The following MYO3B variants were observed in gnomAD, a reference collection of about 807,000 sequenced individuals.
MYO3B encodes myosin IIIB.
A neutral mutation model predicts 174.6 loss-of-function variants in MYO3B; 156 were observed. The observed-to-expected ratio is 0.89, with a 90% confidence interval of 0.78 to 1.02. The LOEUF (loss-of-function observed/expected upper bound fraction) is 1.02. MYO3B is among the 50% of genes least tolerant of loss of function. The probability of loss-of-function intolerance (pLI) is 0.00; values close to 1 mark genes in which losing one functional copy is unlikely to be tolerated. For missense variants in MYO3B, 1,632 were observed against 1,639.4 expected (o/e 1.00, Z 0.08); for synonymous variants, 563 against 569.1 (o/e 0.99, Z 0.15).
intron 30 of MYO3B, among the ~76,000 whole-genome samples, chr2:170,528,028 C>A (rs1200383992): frequency 6.6e-6 from 1 of 152,190 alleles, no homozygotes; most frequent in Non-Finnish European, 1.5e-5. Context: ...TTACTTTGTT[C>A]TCTAGAAATG....
intron 9 of MYO3B, among the ~76,000 whole-genome samples, chr2:170,374,780 C>T (rs1025269579): frequency 1.1e-4 from 17 of 151,930 alleles, no homozygotes; most frequent in Middle Eastern, 3.4e-3. Flanking sequence ...CACACACACA[C>T]ACACACACAC....
At position 170,392,401 on chromosome 2, in the gene MYO3B, GA is replaced by G; in HGVS notation, c.1699del (p.Arg567GlyfsTer2). ...TTTAGGTACATAGCTGATGAAACTG[GA>G]AGGGTGATGCACGACATAACTTCCA... Reference protein sequence around the residue: ...KPPRYIADETGRVMHDITSKE... With the variant: ...KPPRYIADETXRVMHDITSKE... On this transcript the variant is annotated frameshift_variant, in exon 16 of 35. Coordinates refer to ENST00000408978, the MANE Select transcript of MYO3B (RefSeq NM_138995.5). LOFTEE classifies it high-confidence loss of function. 6.3e-7 allele frequency: 1 copy of G among 1,599,366 alleles called. No individual in the cohort carries two copies. Among genetic ancestry groups the G allele is most frequent in the South Asian group, 1.1e-5 (1 of 87,880 alleles).
rs913687350 is a variant in MYO3B, at chr2:170,214,344, C to T, written c.322-35C>T. The T allele has an allele frequency of 2.6e-6, 4 of 1,550,896 alleles. No individual in the cohort carries two copies. The African/African-American group carries it at 4.1e-5, about 16-fold the overall frequency. On this transcript the variant is annotated intron_variant, in intron 3 of 34. Coordinates refer to ENST00000408978, the MANE Select transcript of MYO3B (RefSeq NM_138995.5). ...TTCTTTTCTTTTTCACATGTGGTCT[C>T]CTGCTCTCCCTGTGTCTGGCACCTC... is the stretch of plus-strand genomic sequence containing the variant.
At chr2:170,580,220 T>C (rs1278158363) in intron 32 of MYO3B, among the ~76,000 whole-genome samples, 3 of 152,234 alleles carry the variant, frequency 2.0e-5, no homozygotes, top group Non-Finnish European at 2.9e-5. Context: ...TTTTCTGGAC[T>C]TTATTATTTA....
intron 3 of MYO3B, among the ~76,000 whole-genome samples, chr2:170,210,896 A>C (rs1299200049): frequency 6.6e-6 from 1 of 152,196 alleles, no homozygotes. Context: ...CACACAACAC[A>C]TATGTAACTA....
At position 170,410,251 on chromosome 2, in the gene MYO3B, A is replaced by G. The variant is rs563435536; in HGVS notation, c.2650+2407A>G. 5.9e-5 allele frequency among the ~76,000 whole-genome samples: 9 copies of G among 152,270 alleles called. No homozygotes were observed. The East Asian group carries it at 1.7e-3, about 29-fold the overall frequency. On this transcript the variant is annotated intron_variant, in intron 22 of 34. Coordinates refer to ENST00000408978, the MANE Select transcript of MYO3B (RefSeq NM_138995.5). The stretch of plus-strand genomic sequence containing the variant: ...TTTACAAACCTCTTTTGAGGAATGA[A>G]CTACAGGGAGGAAGGAAAAAGATCA...
intron 14 of MYO3B, among the ~76,000 whole-genome samples, chr2:170,390,501 G>A (rs1020389033): frequency 2.0e-5 from 3 of 152,174 alleles, no homozygotes; most frequent in Non-Finnish European, 4.4e-5. Flanking sequence ...TACAGGGCAG[G>A]GATAAAGAAT....
At chr2:170,370,624 TACACACACACACACAC>T (rs55790344) in intron 9 of MYO3B, among the ~76,000 whole-genome samples, 29,426 of 129,528 alleles carry the variant, frequency 0.23, 3,301 homozygotes, top group South Asian at 0.3. Context: ...ACCACCCACC[TACACACACACACACAC>T]ACACACACAC....
rs72625212 is a variant in MYO3B, at chr2:170,541,797, C to T, written c.3576-1109C>T. On this transcript the variant is annotated intron_variant, in intron 30 of 34. Coordinates refer to ENST00000408978, the MANE Select transcript of MYO3B (RefSeq NM_138995.5). Reference sequence around the variant, plus strand: ...CCAGTCCCTGACTTAATGTAGCTTACATTCCATTGTGGGAGACATATGATA... The same window carrying T: ...CCAGTCCCTGACTTAATGTAGCTTATATTCCATTGTGGGAGACATATGATA... 0.024 allele frequency among the ~76,000 whole-genome samples: 3,578 copies of T among 152,236 alleles called. 542 individuals carry two copies. In the East Asian group the frequency reaches 0.44, roughly 19 times the overall value.
At chr2:170,502,240 C>A (rs534502391) in intron 28 of MYO3B, among the ~76,000 whole-genome samples, 2 of 152,300 alleles carry the variant, frequency 1.3e-5, no homozygotes, top group South Asian at 4.1e-4. Flanking sequence ...ATACTGCCAC[C>A]TGAACAAAAC....
chr2:170,235,868 C>T, intron 6 of MYO3B, 123 bp from the exon 7 acceptor site: 1 of 1,139,942 alleles, frequency 8.8e-7, no homozygotes, highest in South Asian at 1.3e-5. Context: ...CATCTTATTA[C>T]TGGAATTCAA....
chr2:170,348,130 G>GA (rs2094031333), intron 8 of MYO3B: 1 of 152,128 alleles, frequency 6.6e-6, no homozygotes, highest in Non-Finnish European at 1.5e-5. Context: ...TTATTTCTGT[G>GA]AAAAAATTAA....
chr2:170,191,885 T>A (rs2092544865), intron 1 of MYO3B, among the ~76,000 whole-genome samples: 1 of 152,196 alleles, frequency 6.6e-6, no homozygotes, highest in Admixed American at 6.5e-5. Flanking sequence ...GGACTATCAG[T>A]GGAAGCTTCT....
chr2:170,465,995 CCA>C (rs989824925), intron 24 of MYO3B, among the ~76,000 whole-genome samples: 3 of 152,082 alleles, frequency 2.0e-5, no homozygotes, highest in African/African-American at 7.2e-5. Flanking sequence ...TTGATAGTCA[CCA>C]CAGTCTTCTT....
intron 19 of MYO3B, 101 bp downstream of exon 19, chr2:170,403,096 C>T: frequency 8.5e-7 from 1 of 1,172,308 alleles, no homozygotes; most frequent in Non-Finnish European, 1.2e-6. Flanking sequence ...AACTAAAAGA[C>T]CCTAGAGAGA....
chr2:170,624,278 A>C lies in MYO3B; in HGVS notation c.3734-27350A>C, dbSNP rs557524945. ...CAGTGGTTTGTAGTTCTCCTTGAAG[A>C]GATCCTTCACATCCCTTTTAAGTTG... On this transcript the variant is annotated intron_variant, in intron 32 of 34. Transcript: ENST00000408978. 3.5e-4 allele frequency among the ~76,000 whole-genome samples: 53 copies of C among 152,306 alleles called. No individual in the cohort carries two copies. In the South Asian group the frequency reaches 5.2e-3, roughly 15 times the overall value.
chr2:170,488,123 G>C (rs1288962774), intron 25 of MYO3B, among the ~76,000 whole-genome samples: 2 of 152,172 alleles, frequency 1.3e-5, no homozygotes, highest in Non-Finnish European at 2.9e-5. Context: ...GTCATAGTTA[G>C]AGAGCAATGG....
chr2:170,601,852 G>C (rs1694529401), intron 32 of MYO3B: 9 of 916,506 alleles, frequency 9.8e-6, no homozygotes, highest in Non-Finnish European at 1.6e-5. Flanking sequence ...CAGTTTCTTT[G>C]CAACATCGCT....
chr2:170,620,975 G>A (rs1003960245), intron 32 of MYO3B, among the ~76,000 whole-genome samples: 12 of 151,756 alleles, frequency 7.9e-5, no homozygotes, highest in African/African-American at 9.7e-5. Flanking sequence ...TGCAGCCTCC[G>A]CCTCCCGGGT....
Sources: allele counts gnomAD v4.1 joint callset (sites outside exome capture counted in the v4.1 genomes callset), GRCh38; gene constraint gnomAD v4.1.1; transcripts MANE v1.5; gene names NCBI Gene and HGNC (gene_info 2026-07-23, HGNC 2026-07-21).